Variants in CPS1 observed in about 807,000 individuals in gnomAD.
The protein encoded by CPS1 is carbamoyl-phosphate synthase 1, also known as carbamoyl-phosphate synthase [ammonia], mitochondrial.
In CPS1, 109 loss-of-function variants were observed where a neutral mutation model predicts 174.6. That is an observed-to-expected ratio of 0.62 (90% confidence interval 0.53 to 0.73). The LOEUF (loss-of-function observed/expected upper bound fraction) is 0.73. Ranked by LOEUF, CPS1 falls within the 30% of genes least tolerant of loss-of-function variation. CPS1 has a pLI of 0.00. For synonymous variants in CPS1, 637 were observed against 632.0 expected (o/e 1.01, Z -0.12); for missense variants, 1,689 against 1,821.9 (o/e 0.93, Z 1.33).
intron 16 of CPS1, among the ~76,000 whole-genome samples, chr2:210,603,644 A>C (rs1267443760): frequency 6.6e-6 from 1 of 151,880 alleles, no homozygotes; most frequent in Admixed American, 6.6e-5. Context: ...AACCAATCTG[A>C]AGACTGAACT....
intron 33 of CPS1, among the ~76,000 whole-genome samples, chr2:210,666,878 C>T (rs1701118827): frequency 1.3e-5 from 2 of 152,120 alleles, no homozygotes; most frequent in Non-Finnish European, 2.9e-5. Flanking sequence ...TCACTGGTAG[C>T]TTGATGGGGA....
In CPS1 at chr2:210,573,425, A is replaced by G. The variant is rs751641622; in HGVS notation, c.236+18A>G. 1 of 1,567,286 alleles carries G rather than the reference A, an allele frequency of 6.4e-7. No individual in the cohort carries two copies. The highest frequency in any genetic ancestry group is 2.2e-5 in the East Asian group (1 of 44,628). ...CTGGGAGGGTGAGTAATGCTTTTCCAAGGCTTTATTTTTCCTCTAGTAGAG... is the reference window on the plus strand; with the variant it reads ...CTGGGAGGGTGAGTAATGCTTTTCCGAGGCTTTATTTTTCCTCTAGTAGAG... On this transcript the variant is annotated intron_variant, in intron 2 of 37. Coordinates refer to ENST00000233072, the MANE Select transcript of CPS1 (RefSeq NM_001875.5).
chr2:210,497,672 G>A (rs114455776), intron 1 of CPS1, among the ~76,000 whole-genome samples: 1 of 151,810 alleles, frequency 6.6e-6, no homozygotes, highest in East Asian at 1.9e-4. Flanking sequence ...GCATTAATTC[G>A]CTTAGGATAA....
At chr2:210,484,084 C>G (rs1694649832) in intron 1 of CPS1, among the ~76,000 whole-genome samples, 1 of 152,028 alleles carries the variant, frequency 6.6e-6, no homozygotes, top group Non-Finnish European at 1.5e-5. Flanking sequence ...TCTTAAGATA[C>G]TAAGGAAACC....
chr2:210,483,264 G>A (rs1417975700), intron 1 of CPS1, among the ~76,000 whole-genome samples: 1 of 152,104 alleles, frequency 6.6e-6, no homozygotes, highest in Non-Finnish European at 1.5e-5. Flanking sequence ...ACACATAAAG[G>A]CCAAGAAGGG....
chr2:210,497,893 C>CATATATATATATATATATATATATATAT lies in CPS1; in HGVS notation c.3+20153_3+20154insATATATATATATATATATATATATATAT, dbSNP rs59178446. Among the ~76,000 whole-genome samples, 168 of 86,858 alleles carry CATATATATATATATATATATATATATAT rather than the reference C, an allele frequency of 1.9e-3. 6 individuals are homozygous for CATATATATATATATATATATATATATAT. The highest frequency in any genetic ancestry group is 2.2e-3 in the African/African-American group (53 of 23,730). 57.0% of individuals were successfully genotyped at this position (86,858 alleles called of 152,430 possible). A position where few individuals can be genotyped will look rare whatever the true frequency, so the allele number is the denominator to read the frequency against. On this transcript the variant is annotated intron_variant, in intron 1 of 38. Transcript: ENST00000430249. The stretch of plus-strand genomic sequence containing the variant: ...TTTTTGGTAGAACAATATATACATA[C>CATATATATATATATATATATATATATAT]ATATATATATATATATATATATATA...
intron 1 of CPS1, among the ~76,000 whole-genome samples, chr2:210,540,428 C>G (rs1211846212): frequency 6.6e-6 from 1 of 152,052 alleles, no homozygotes; most frequent in Non-Finnish European, 1.5e-5. Flanking sequence ...TCATTTTGTG[C>G]ACATGTTTTA....
intron 34 of CPS1, among the ~76,000 whole-genome samples, chr2:210,668,723 A>G (rs148491390): frequency 1.0e-3 from 157 of 152,168 alleles, no homozygotes; most frequent in African/African-American, 3.1e-3. Flanking sequence ...ATCCATGTCT[A>G]TAGTACCTAC....
chr2:210,582,589 T>G, intron 5 of CPS1, 28 bp from the exon 6 acceptor site: 2 of 1,557,182 alleles, frequency 1.3e-6, no homozygotes, highest in Non-Finnish European at 1.8e-6. Context: ...TGCTTCCTTT[T>G]AACTGTCTAA....
intron 1 of CPS1, among the ~76,000 whole-genome samples, chr2:210,484,820 G>C (rs183215819): frequency 1.3e-5 from 2 of 152,258 alleles, no homozygotes; most frequent in Non-Finnish European, 2.9e-5. Flanking sequence ...CCATCTCTTT[G>C]GCACCTGATT....
At position 210,642,638 on chromosome 2, in the gene CPS1, G is replaced by A. The variant is rs2105901711; in HGVS notation, c.3114G>A (p.Glu1038=). ...TGTACTTTGAAGAGTTGTCCTTGGA[G>A]AGAATCCTAGACATCTACCATCAGG... ...DKLYFEELSL[E]RILDIYHQEA... The change falls in exon 25 of 38, where the codon GAG becomes GAA. Residue 1038 remains glutamate (E), a synonymous_variant. Transcript: ENST00000233072. 1.9e-6 allele frequency: 3 copies of A among 1,613,928 alleles called. No individual in the cohort carries two copies. The highest frequency in any genetic ancestry group is 2.5e-6 in the Non-Finnish European group (3 of 1,179,964).
At chr2:210,508,277 T>C (rs1695345994) in intron 1 of CPS1, among the ~76,000 whole-genome samples, 1 of 151,900 alleles carries the variant, frequency 6.6e-6, no homozygotes, top group African/African-American at 2.4e-5. Flanking sequence ...CCTGAGTGAC[T>C]ACTGGGTACA....
rs1259979911 is a variant in CPS1, at chr2:210,663,203, T to C, written c.4002+6T>C. The C allele has an allele frequency of 6.2e-7, 1 of 1,609,586 alleles. No homozygotes were observed. Among genetic ancestry groups the C allele is most frequent in the Admixed American group, 1.7e-5 (1 of 60,016 alleles). ...AGATGGCTTCCACTGGAGAGGTAAC[T>C]AGTTAATAATCCATGGAAGCTTTCA... On this transcript the variant is annotated splice_donor_region_variant and intron_variant, in intron 33 of 37. Coordinates refer to ENST00000233072, the MANE Select transcript of CPS1 (RefSeq NM_001875.5).
intron 1 of CPS1, among the ~76,000 whole-genome samples, chr2:210,541,614 G>A (rs1222992858): frequency 6.6e-6 from 1 of 151,994 alleles, no homozygotes; most frequent in Non-Finnish European, 1.5e-5. Context: ...GAAGTCCAAG[G>A]CCACATTAGT....
intron 1 of CPS1, among the ~76,000 whole-genome samples, chr2:210,543,847 G>T (rs1232360021): frequency 6.6e-6 from 1 of 152,038 alleles, no homozygotes; most frequent in Non-Finnish European, 1.5e-5. Flanking sequence ...CATAAATGAT[G>T]AATAAATTAG....
intron 21 of CPS1, among the ~76,000 whole-genome samples, chr2:210,635,234 C>T (rs189497337): frequency 3.7e-3 from 556 of 152,286 alleles, no homozygotes; most frequent in African/African-American, 0.012. Context: ...TGAGCCACCA[C>T]ACCCGGCCAA....
upstream of CPS1, among the ~76,000 whole-genome samples, chr2:210,556,116 T>C (rs1032949220): frequency 5.3e-5 from 8 of 152,050 alleles, no homozygotes; most frequent in African/African-American, 1.4e-4. Context: ...ATAGATAGGT[T>C]TATTGTATAT....
At chr2:210,494,496 G>A (rs900841056) in intron 1 of CPS1, among the ~76,000 whole-genome samples, 1 of 152,182 alleles carries the variant, frequency 6.6e-6, no homozygotes, top group Non-Finnish European at 1.5e-5. Context: ...TAAACTAGAT[G>A]TTGCTGGCTA....
chr2:210,596,916 T>G (rs1698500298), intron 13 of CPS1, among the ~76,000 whole-genome samples: 1 of 151,862 alleles, frequency 6.6e-6, no homozygotes, highest in Admixed American at 6.6e-5. Flanking sequence ...GGTTAATAAC[T>G]AGAGGTGGAT....
Sources: gnomAD v4.1 joint callset for allele counts (sites outside exome capture counted in the v4.1 genomes callset) on GRCh38, gnomAD v4.1.1 for gene constraint, MANE v1.5 for transcripts, NCBI Gene and HGNC (gene_info 2026-07-23, HGNC 2026-07-21) for gene names.